Variants in DENND1A observed in about 807,000 individuals in gnomAD.
The protein encoded by DENND1A is DENN domain-containing protein 1A.
A neutral mutation model predicts 113.7 loss-of-function variants in DENND1A; 51 were observed. That is an observed-to-expected ratio of 0.45 (90% CI 0.36 to 0.57). DENND1A has a LOEUF of 0.57. Ranked by LOEUF, DENND1A falls within the 20% of genes least tolerant of loss-of-function variation. The probability of loss-of-function intolerance (pLI) is 0.00; values close to 1 mark genes in which losing one functional copy is unlikely to be tolerated. For synonymous variants in DENND1A, 565 were observed against 570.8 expected (o/e 0.99, Z 0.14); for missense variants, 1,258 against 1,395.9 (o/e 0.90, Z 1.57).
intron 12 of DENND1A, among the ~76,000 whole-genome samples, chr9:123,563,344 T>G (rs2057872144): frequency 6.6e-6 from 1 of 152,220 alleles, no homozygotes; most frequent in Non-Finnish European, 1.5e-5. Context: ...CCTGGCTTCA[T>G]CTACTCCTCT....
intron 2 of DENND1A, among the ~76,000 whole-genome samples, chr9:123,829,025 G>C (rs1466302582): frequency 6.6e-6 from 1 of 152,140 alleles, no homozygotes; most frequent in Non-Finnish European, 1.5e-5. Flanking sequence ...GGCAAGATTA[G>C]GCCACAAATC....
intron 2 of DENND1A, among the ~76,000 whole-genome samples, chr9:123,797,327 CA>C (rs1833934264): frequency 6.6e-6 from 1 of 152,112 alleles, no homozygotes; most frequent in Non-Finnish European, 1.5e-5. Flanking sequence ...GAATATGCTG[CA>C]AACAGGATAA....
chr9:123,830,168 G>C (rs1839961851), intron 2 of DENND1A, among the ~76,000 whole-genome samples: 1 of 152,172 alleles, frequency 6.6e-6, no homozygotes. Context: ...ATAAACTGCT[G>C]ATAGGTGAAG....
At chr9:123,872,235 A>G (rs139291342) in intron 2 of DENND1A, among the ~76,000 whole-genome samples, 2 of 152,322 alleles carry the variant, frequency 1.3e-5, no homozygotes, top group East Asian at 3.9e-4. Context: ...AAATGATATG[A>G]CTTTTTTTAA....
At chr9:123,400,413 G>A (rs1322929360) in intron 21 of DENND1A, 1 of 152,246 alleles carries the variant, frequency 6.6e-6, no homozygotes, top group Non-Finnish European at 1.5e-5. Flanking sequence ...ATGGACAGAT[G>A]GAATGATGGA....
chr9:123,452,779 G>A (rs1164903636), intron 16 of DENND1A, among the ~76,000 whole-genome samples: 1 of 152,190 alleles, frequency 6.6e-6, no homozygotes, highest in African/African-American at 2.4e-5. Context: ...GGGGCAGAAA[G>A]TGGGGCCCTG....
At chr9:123,526,731 T>G (rs1466768208) in intron 13 of DENND1A, among the ~76,000 whole-genome samples, 1 of 152,228 alleles carries the variant, frequency 6.6e-6, no homozygotes, top group African/African-American at 2.4e-5. Flanking sequence ...TATCCTCACC[T>G]TTCTGAAGAT....
intron 5 of DENND1A, among the ~76,000 whole-genome samples, chr9:123,728,507 A>AAC (rs2067914185): frequency 6.8e-6 from 1 of 146,964 alleles, no homozygotes; most frequent in African/African-American, 2.6e-5. Context: ...AAAAAAAAAA[A>AAC]AAACAGGCAT....
intron 3 of DENND1A, among the ~76,000 whole-genome samples, chr9:123,777,050 C>T (rs1830573855): frequency 6.6e-6 from 1 of 152,212 alleles, no homozygotes; most frequent in Non-Finnish European, 1.5e-5. Context: ...TACTTGGACG[C>T]TTTTATATTT....
intron 1 of DENND1A, among the ~76,000 whole-genome samples, chr9:123,892,566 C>T (rs552540316): frequency 6.6e-6 from 1 of 152,264 alleles, no homozygotes; most frequent in South Asian, 2.1e-4. Context: ...TATAAGAATA[C>T]AAAAACAGAG....
intron 8 of DENND1A, among the ~76,000 whole-genome samples, chr9:123,658,532 T>C (rs2063080000): frequency 6.6e-6 from 1 of 152,200 alleles, no homozygotes; most frequent in Non-Finnish European, 1.5e-5. Flanking sequence ...AAGAAAATAT[T>C]TTTACAAAGA....
intron 9 of DENND1A, among the ~76,000 whole-genome samples, chr9:123,646,397 T>C (rs1284479430): frequency 6.6e-6 from 1 of 152,140 alleles, no homozygotes; most frequent in Non-Finnish European, 1.5e-5. Flanking sequence ...ATAAAGGGGA[T>C]ACGGGTCAAG....
At chr9:123,497,005 A>C (rs2051986410) in intron 13 of DENND1A, among the ~76,000 whole-genome samples, 2 of 152,088 alleles carry the variant, frequency 1.3e-5, no homozygotes, top group African/African-American at 2.4e-5. Flanking sequence ...CAGCCACACA[A>C]CACCACTGCT....
intron 2 of DENND1A, among the ~76,000 whole-genome samples, chr9:123,873,491 C>T (rs1846970246): frequency 6.6e-6 from 1 of 152,214 alleles, no homozygotes; most frequent in African/African-American, 2.4e-5. Flanking sequence ...TCAAAGTTTA[C>T]CCTTTATCAC....
intron 18 of DENND1A, among the ~76,000 whole-genome samples, chr9:123,443,495 C>A (rs999977526): frequency 6.6e-6 from 1 of 152,354 alleles, no homozygotes; most frequent in East Asian, 1.9e-4. Context: ...AGCAGTGCTG[C>A]ACCTTCATTT....
At chr9:123,562,923 T>C (rs1190314157) in intron 12 of DENND1A, among the ~76,000 whole-genome samples, 2 of 152,150 alleles carry the variant, frequency 1.3e-5, no homozygotes, top group African/African-American at 2.4e-5. Flanking sequence ...CTTGACTCAG[T>C]GTACTCATGC....
At chr9:123,912,142 T>C (rs55637603) in intron 1 of DENND1A, among the ~76,000 whole-genome samples, 5 of 152,212 alleles carry the variant, frequency 3.3e-5, no homozygotes, top group African/African-American at 1.2e-4. Flanking sequence ...ATCTGTGTAC[T>C]TTACTGTATG....
intron 13 of DENND1A, among the ~76,000 whole-genome samples, chr9:123,550,906 C>G (rs1448551898): frequency 6.6e-6 from 1 of 152,178 alleles, no homozygotes; most frequent in Non-Finnish European, 1.5e-5. Context: ...CCCCTTCTTG[C>G]CAAAAAGGAC....
rs139396016 is a variant in DENND1A, at chr9:123,779,152, G to A, written c.133-9589C>T. ...GGATAATGGAGAGCTCTTCAATTTG[G>A]GGTTTGTTTGGCTTAGAATATTTTT... On this transcript the variant is annotated intron_variant, in intron 3 of 23. Coordinates refer to ENST00000394215, the MANE Select transcript of DENND1A (RefSeq NM_001352964.2). Among the ~76,000 whole-genome samples, 8 of 152,028 alleles carry A rather than the reference G, an allele frequency of 5.3e-5. No individual in the cohort carries two copies. In the East Asian group the frequency reaches 1.5e-3, roughly 29 times the overall value.
Sources: gnomAD v4.1 joint callset for allele counts (sites outside exome capture counted in the v4.1 genomes callset) on GRCh38, gnomAD v4.1.1 for gene constraint, MANE v1.5 for transcripts, NCBI Gene and HGNC (gene_info 2026-07-23, HGNC 2026-07-21) for gene names.